Variants in AGBL4 observed in about 807,000 individuals in gnomAD.
AGBL4 encodes the protein cytosolic carboxypeptidase 6.
In AGBL4, 58 loss-of-function variants were observed where a neutral mutation model predicts 66.4. The ratio of observed to expected loss-of-function variants is 0.87; its 90% CI spans 0.71 to 1.09. The LOEUF (loss-of-function observed/expected upper bound fraction) is 1.09. AGBL4 is among the 50% of genes least tolerant of loss of function. The pLI is 0.00. For missense variants in AGBL4, 579 were observed against 631.0 expected (o/e 0.92, Z 0.88); for synonymous variants, 234 against 222.9 (o/e 1.05, Z -0.44).
At chr1:49,851,368 T>G (rs779215068) in intron 2 of AGBL4, 28 bp downstream of exon 2, 64 of 1,521,588 alleles carry the variant, frequency 4.2e-5, no homozygotes, top group Non-Finnish European at 5.0e-5. Context: ...CAGACAAACT[T>G]AAAAGGAAAA....
chr1:48,818,777 C>A (rs1646245247), intron 6 of AGBL4, among the ~76,000 whole-genome samples: 1 of 151,662 alleles, frequency 6.6e-6, no homozygotes, highest in African/African-American at 2.4e-5. Flanking sequence ...CAAAAAACAG[C>A]CTGGAAAGAA....
chr1:49,041,638 C>A (rs555273603), intron 5 of AGBL4, among the ~76,000 whole-genome samples: 1 of 152,006 alleles, frequency 6.6e-6, no homozygotes, highest in African/African-American at 2.4e-5. Flanking sequence ...GATTATTTAC[C>A]CCCAAACTGG....
intron 3 of AGBL4, among the ~76,000 whole-genome samples, chr1:49,373,908 C>T (rs746350277): frequency 1.3e-5 from 2 of 152,058 alleles, no homozygotes; most frequent in Non-Finnish European, 2.9e-5. Flanking sequence ...TGGGTCAAAG[C>T]TTCTCCAAAC....
intron 3 of AGBL4, among the ~76,000 whole-genome samples, chr1:49,496,001 A>G (rs980751093): frequency 5.3e-5 from 8 of 152,100 alleles, no homozygotes; most frequent in Admixed American, 5.2e-4. Context: ...ACTGGAGGGA[A>G]GAATTAGTGT....
At chr1:48,793,681 A>C (rs544864133) in intron 6 of AGBL4, among the ~76,000 whole-genome samples, 17 of 152,314 alleles carry the variant, frequency 1.1e-4, no homozygotes, top group African/African-American at 4.1e-4. Context: ...AAAGTTAGGT[A>C]CCTTACACAA....
intron 5 of AGBL4, among the ~76,000 whole-genome samples, chr1:48,930,936 G>C (rs12031811): frequency 2.0e-5 from 3 of 152,254 alleles, no homozygotes; most frequent in East Asian, 1.9e-4. Flanking sequence ...GCAGATGTGG[G>C]ATATCAACAA....
Position 48,715,280 on chromosome 1 carries a change from G to A in AGBL4, c.635-52039C>T, listed in dbSNP as rs142225831. Reference sequence around the variant, plus strand: ...ATCAGCACAGCAGTTGCCTCCCCTGGGACACTCAAGGAGAACCAACCAGTC... The same window carrying A: ...ATCAGCACAGCAGTTGCCTCCCCTGAGACACTCAAGGAGAACCAACCAGTC... On this transcript the variant is annotated intron_variant, in intron 6 of 13. Transcript: ENST00000371839. Among the ~76,000 whole-genome samples the A allele has an allele frequency of 1.2e-4, 18 of 152,054 alleles. No individual in the cohort carries two copies. The East Asian group carries it at 3.5e-3, about 29-fold the overall frequency.
intron 3 of AGBL4, among the ~76,000 whole-genome samples, chr1:49,582,705 A>T (rs559395993): frequency 6.6e-6 from 1 of 152,270 alleles, no homozygotes; most frequent in East Asian, 1.9e-4. Flanking sequence ...GTAGTGTCTT[A>T]CTATAGCCAC....
intron 3 of AGBL4, among the ~76,000 whole-genome samples, chr1:49,695,870 C>A (rs1194596782): frequency 6.6e-6 from 1 of 151,914 alleles, no homozygotes; most frequent in Admixed American, 6.6e-5. Flanking sequence ...GTATTTGCAC[C>A]CCCTTTTTGC....
intron 6 of AGBL4, among the ~76,000 whole-genome samples, chr1:48,831,688 G>T (rs1646556333): frequency 6.6e-6 from 1 of 152,212 alleles, no homozygotes; most frequent in African/African-American, 2.4e-5. Context: ...AAGGGCATTT[G>T]TGGATTGAGC....
chr1:48,592,698 C>T (rs1644936579), intron 9 of AGBL4, among the ~76,000 whole-genome samples: 1 of 152,148 alleles, frequency 6.6e-6, no homozygotes, highest in Non-Finnish European at 1.5e-5. Context: ...AAAGCTACAG[C>T]TTATATCTCT....
chr1:48,776,543 G>A, intron 6 of AGBL4: 1 of 561,806 alleles, frequency 1.8e-6, no homozygotes, highest in South Asian at 2.3e-5. Context: ...CCGGGCCCCC[G>A]GCCCCTCCCG....
chr1:48,910,501 A>T (rs922929777), intron 5 of AGBL4, among the ~76,000 whole-genome samples: 7 of 152,220 alleles, frequency 4.6e-5, no homozygotes, highest in African/African-American at 1.7e-4. Context: ...ACCCAGATGC[A>T]GAAAAATATG....
At chr1:48,542,637 C>A (rs534243727) in intron 11 of AGBL4, among the ~76,000 whole-genome samples, 2 of 152,148 alleles carry the variant, frequency 1.3e-5, no homozygotes, top group Non-Finnish European at 2.9e-5. Flanking sequence ...GCATAAATTT[C>A]TTCTTTGGAG....
intron 5 of AGBL4, among the ~76,000 whole-genome samples, chr1:48,924,462 C>T (rs191729106): frequency 3.4e-4 from 52 of 152,238 alleles, no homozygotes; most frequent in African/African-American, 1.0e-3. Flanking sequence ...ATGTCTTGCT[C>T]ATCTCTGTAT....
chr1:49,733,614 C>T lies in AGBL4; in HGVS notation c.158-36177G>A, dbSNP rs143348653. ...GTCTTGTTGTATCCCCCCAAATTCA[C>T]ATGTTGGAAACTGAATCCCCATTGC... On this transcript the variant is annotated intron_variant, in intron 2 of 13. Transcript: ENST00000371839. Among the ~76,000 whole-genome samples, 21 of 152,270 alleles carry T rather than the reference C, an allele frequency of 1.4e-4. No homozygotes were observed. In the East Asian group the frequency reaches 4.1e-3, roughly 29 times the overall value.
At chr1:48,621,048 G>C (rs1178332784) in intron 9 of AGBL4, among the ~76,000 whole-genome samples, 1 of 152,134 alleles carries the variant, frequency 6.6e-6, no homozygotes, top group Non-Finnish European at 1.5e-5. Context: ...GTGCTGGGAG[G>C]CCAAAGACTT....
chr1:49,927,392 T>C (rs1557587492), intron 1 of AGBL4, among the ~76,000 whole-genome samples: 1 of 152,096 alleles, frequency 6.6e-6, no homozygotes, highest in African/African-American at 2.4e-5. Context: ...CTTACAATCA[T>C]ACTGGAAGGC....
At chr1:49,484,072 TGGCTTTTCCAAGA>T (rs1647012386) in intron 3 of AGBL4, among the ~76,000 whole-genome samples, 1 of 152,046 alleles carries the variant, frequency 6.6e-6, no homozygotes, top group Non-Finnish European at 1.5e-5. Context: ...ACATTTAAAA[TGGCTTTTCCAAGA>T]GTCAGGCAAT....
Sources: allele counts gnomAD v4.1 joint callset (sites outside exome capture counted in the v4.1 genomes callset), GRCh38; gene constraint gnomAD v4.1.1; transcripts MANE v1.5; gene names NCBI Gene and HGNC (gene_info 2026-07-23, HGNC 2026-07-21).